Variants in PYROXD2 observed in about 807,000 individuals in gnomAD.
PYROXD2 encodes the protein pyridine nucleotide-disulphide oxidoreductase domain 2, also known as pyridine nucleotide-disulfide oxidoreductase domain-containing protein 2.
A neutral mutation model predicts 71.1 loss-of-function variants in PYROXD2; 69 were observed. That is an observed-to-expected ratio of 0.97 (90% CI 0.80 to 1.19). The LOEUF (loss-of-function observed/expected upper bound fraction) is 1.19. Ranked by LOEUF, PYROXD2 falls within the 50% of genes most tolerant of loss-of-function variation. The probability of loss-of-function intolerance (pLI) is 0.00; values close to 1 mark genes in which losing one functional copy is unlikely to be tolerated. For missense variants in PYROXD2, 745 were observed against 748.9 expected (o/e 0.99, Z 0.06); for synonymous variants, 287 against 302.7 (o/e 0.95, Z 0.54).
chr10:98,392,881 A>G (rs1842993649), intron 9 of PYROXD2, 61 bp downstream of exon 9: 1 of 1,559,390 alleles, frequency 6.4e-7, no homozygotes, highest in Admixed American at 1.9e-5. Context: ...TCCAAATCTG[A>G]GACTTTGTTC....
intron 4 of PYROXD2, among the ~76,000 whole-genome samples, chr10:98,403,479 G>C (rs1843491571): frequency 6.6e-6 from 1 of 152,186 alleles, no homozygotes; most frequent in Non-Finnish European, 1.5e-5. Context: ...ACACCTCACT[G>C]GCTTCTCGCT....
rs1439389396 is a variant in PYROXD2, at chr10:98,407,884, C to A, written c.241+20G>T. The A allele has an allele frequency of 6.3e-7, 1 of 1,588,878 alleles. No individual in the cohort carries two copies. On this transcript the variant is annotated intron_variant, in intron 3 of 15. Transcript: ENST00000370575. The stretch of plus-strand genomic sequence containing the variant: ...CCTGAGTCACTGCCCTCCACTCCCC[C>A]ATGCCACATCAGAGCTCACCTGGGA...
chr10:98,392,614 C>T, intron 9 of PYROXD2, 48 bp from the exon 10 acceptor site: 1 of 1,600,702 alleles, frequency 6.2e-7, no homozygotes, highest in East Asian at 2.2e-5. Flanking sequence ...AAGGGAAATC[C>T]ATGTTAGATC....
intron 4 of PYROXD2, among the ~76,000 whole-genome samples, chr10:98,403,683 A>C (rs1843499143): frequency 6.6e-6 from 1 of 152,140 alleles, no homozygotes; most frequent in Admixed American, 6.5e-5. Context: ...ATACCAGCTC[A>C]AATGTCACCT....
At chr10:98,407,164 C>T (rs1843625110) in intron 4 of PYROXD2, among the ~76,000 whole-genome samples, 3 of 152,140 alleles carry the variant, frequency 2.0e-5, no homozygotes, top group African/African-American at 4.8e-5. Context: ...CCAAAAAGCC[C>T]GGGAGCCAGA....
At chr10:98,393,223 C>T (rs1843011209) in intron 8 of PYROXD2, 140 bp from the exon 9 acceptor site, 8 of 666,416 alleles carry the variant, frequency 1.2e-5, no homozygotes, top group South Asian at 2.1e-5. Flanking sequence ...CTTCAATGAG[C>T]TCAAGTTCTT....
intron 14 of PYROXD2, 94 bp downstream of exon 14, chr10:98,387,107 T>C: frequency 2.2e-6 from 2 of 918,360 alleles, no homozygotes; most frequent in Non-Finnish European, 1.7e-6. Context: ...GAAAGCTGAG[T>C]ATGGAGGGAC....
Position 98,387,296 on chromosome 10 carries a change from T to A in PYROXD2, c.1459A>T (p.Ile487Phe), listed in dbSNP as rs757615691. 1.2e-6 allele frequency: 2 copies of A among 1,613,756 alleles called. No individual in the cohort carries two copies. The highest frequency in any genetic ancestry group is 1.7e-6 in the Non-Finnish European group (2 of 1,179,720). The change falls in exon 14 of 16, where the codon ATC (isoleucine) becomes TTC (phenylalanine). Residue 487 changes from isoleucine to phenylalanine, a missense_variant. Ile to Phe is a conservative substitution (Grantham distance 21). Coordinates refer to ENST00000370575, the MANE Select transcript of PYROXD2 (RefSeq NM_032709.3). Reference protein sequence around the residue: ...DAYADRVFDCIEVYAPGFKDS... With the variant: ...DAYADRVFDCFEVYAPGFKDS... ...TTGAAGCCAGGGGCATAGACCTCGA[T>A]GCAATCAAACACTGGGGTGCCAAAA...
chr10:98,414,875 G>C (rs555757841), intron 1 of PYROXD2, 134 bp downstream of exon 1: 2 of 1,333,200 alleles, frequency 1.5e-6, no homozygotes, highest in Middle Eastern at 1.9e-4. Context: ...CCCTGCTAGC[G>C]TATAAACTTC....
At chr10:98,386,714 C>T (rs1304739299) in intron 14 of PYROXD2, among the ~76,000 whole-genome samples, 2 of 151,974 alleles carry the variant, frequency 1.3e-5, no homozygotes, top group African/African-American at 2.4e-5. Context: ...CCACACCTGG[C>T]GGGGTTTTTG....
At chr10:98,414,774 G>A (rs1843932638) in intron 1 of PYROXD2, 2 of 516,348 alleles carry the variant, frequency 3.9e-6, no homozygotes, top group Non-Finnish European at 3.3e-6. Context: ...CAAGCCCAGA[G>A]AAGGCAAGCA....
In PYROXD2 at chr10:98,392,559, G is replaced by A. The variant is rs112717341; in HGVS notation, c.935C>T (p.Ala312Val). 606 of 1,611,200 alleles carry A rather than the reference G, an allele frequency of 3.8e-4. No homozygotes were observed. In the African/African-American group the frequency reaches 5.3e-3, roughly 14 times the overall value. Residue 312 changes from alanine (A) to valine (V), a missense_variant, in exon 10 of 16, where the codon GCG (alanine) becomes GTG (valine). Coordinates refer to ENST00000370575, the MANE Select transcript of PYROXD2 (RefSeq NM_032709.3). ...GASIFTEKTV[A>V]KVQVNSEGCV... ...GCCTTCACTGTTCACCTGCACCTTC[G>A]CCACTGTCTAGAGCCCACCAGAACA...
intron 4 of PYROXD2, among the ~76,000 whole-genome samples, chr10:98,403,396 C>T (rs781531667): frequency 4.7e-4 from 72 of 152,302 alleles, no homozygotes; most frequent in Non-Finnish European, 8.2e-4. Context: ...CTGTTTCCTC[C>T]GAGTCCTCAC....
intron 10 of PYROXD2, among the ~76,000 whole-genome samples, chr10:98,391,769 G>A (rs1345529110): frequency 1.3e-5 from 2 of 152,144 alleles, no homozygotes; most frequent in African/African-American, 2.4e-5. Flanking sequence ...GCCAGACCTT[G>A]AGAACATGCC....
chr10:98,400,333 T>C, intron 4 of PYROXD2, 76 bp from the exon 5 acceptor site: 1 of 1,426,500 alleles, frequency 7.0e-7, no homozygotes, highest in Non-Finnish European at 9.5e-7. Context: ...CCGATTGTGT[T>C]TGTGTGACCA....
At chr10:98,410,579 C>T (rs1225424411) in intron 2 of PYROXD2, 1 of 291,566 alleles carries the variant, frequency 3.4e-6, no homozygotes, top group South Asian at 7.1e-5. Flanking sequence ...AGGGCCCCCA[C>T]CCCGCCCCAG....
At chr10:98,393,265 C>T (rs963445868) in intron 8 of PYROXD2, among the ~76,000 whole-genome samples, 182 bp from the exon 9 acceptor site, 3 of 152,186 alleles carry the variant, frequency 2.0e-5, no homozygotes, top group Non-Finnish European at 2.9e-5. Flanking sequence ...TACACCCTCT[C>T]CCTAACAAGT....
intron 6 of PYROXD2, among the ~76,000 whole-genome samples, chr10:98,396,059 G>A (rs1443538433): frequency 6.6e-6 from 1 of 152,242 alleles, no homozygotes; most frequent in Non-Finnish European, 1.5e-5. Context: ...TTATCTGAGA[G>A]AGAGGCAGTG....
In PYROXD2 at chr10:98,392,558, C is replaced by T. The variant is rs377324262; in HGVS notation, c.936G>A (p.Ala312=). 2.7e-5 allele frequency: 44 copies of T among 1,611,614 alleles called. No individual in the cohort carries two copies. The highest frequency in any genetic ancestry group is 6.6e-5 in the South Asian group (6 of 91,082). Residue 312 remains alanine (A), a synonymous_variant, in exon 10 of 16, where the codon GCG becomes GCA. Transcript: ENST00000370575. ...AGCCTTCACTGTTCACCTGCACCTT[C>T]GCCACTGTCTAGAGCCCACCAGAAC... The part of the protein sequence containing the change: ...GASIFTEKTV[A]KVQVNSEGCV...
Sources: allele counts gnomAD v4.1 joint callset (sites outside exome capture counted in the v4.1 genomes callset), GRCh38; gene constraint gnomAD v4.1.1; transcripts MANE v1.5; gene names NCBI Gene and HGNC (gene_info 2026-07-23, HGNC 2026-07-21).